XKR3: variants seen among roughly 807,000 people sequenced by gnomAD.
The protein encoded by XKR3 is XK-related protein 3.
A neutral mutation model predicts 40.3 loss-of-function variants in XKR3; 27 were observed. The ratio of observed to expected loss-of-function variants is 0.67; its 90% CI spans 0.49 to 0.92. The LOEUF is 0.92. Ranked by LOEUF, XKR3 falls within the 40% of genes least tolerant of loss-of-function variation. XKR3 has a pLI of 0.00. For synonymous variants in XKR3, 193 were observed against 195.4 expected, an observed-to-expected ratio of 0.99 and a Z score of 0.10; for missense variants, 472 against 537.6, an observed-to-expected ratio of 0.88 and a Z score of 1.21.
chr22:16,785,801 T>G (rs1207889468), intron 3 of XKR3, among the ~76,000 whole-genome samples: 4 of 152,016 alleles, frequency 2.6e-5, no homozygotes, highest in African/African-American at 9.7e-5. Flanking sequence ...TGAACCAGGA[T>G]AGCGCCACTG....
chr22:16,821,283 T>C (rs1360956861), intron 1 of XKR3, among the ~76,000 whole-genome samples: 1 of 152,132 alleles, frequency 6.6e-6, no homozygotes, highest in Admixed American at 6.6e-5. Flanking sequence ...AAAGCTCTAT[T>C]ATGACAGTAC....
At chr22:16,785,044 G>A (rs1601837684) in intron 3 of XKR3, among the ~76,000 whole-genome samples, 1 of 152,208 alleles carries the variant, frequency 6.6e-6, no homozygotes, top group East Asian at 1.9e-4. Flanking sequence ...GTGGCCGGGC[G>A]CGGTGGCTCA....
intron 1 of XKR3, among the ~76,000 whole-genome samples, chr22:16,809,608 T>C (rs947174030): frequency 6.6e-6 from 1 of 152,234 alleles, no homozygotes; most frequent in Non-Finnish European, 1.5e-5. Context: ...TATGTTACCT[T>C]AAACTTCAGT....
At chr22:16,791,442 A>C (rs1373086524) in intron 3 of XKR3, among the ~76,000 whole-genome samples, 2 of 152,060 alleles carry the variant, frequency 1.3e-5, no homozygotes, top group African/African-American at 2.4e-5. Context: ...AGATAGGAGT[A>C]ATAAATTTAA....
At chr22:16,811,747 G>T (rs1441632771) in intron 1 of XKR3, among the ~76,000 whole-genome samples, 4 of 152,110 alleles carry the variant, frequency 2.6e-5, no homozygotes, top group Non-Finnish European at 5.9e-5. Flanking sequence ...GGTGGCTCAC[G>T]CCTGAAATCC....
chr22:16,790,638 C>T (rs2060111665), intron 3 of XKR3, among the ~76,000 whole-genome samples: 1 of 151,904 alleles, frequency 6.6e-6, no homozygotes, highest in Non-Finnish European at 1.5e-5. Context: ...ATAATTTGTA[C>T]AACAAACCCC....
At chr22:16,814,403 T>C (rs2060224932) in intron 1 of XKR3, among the ~76,000 whole-genome samples, 1 of 152,184 alleles carries the variant, frequency 6.6e-6, no homozygotes, top group Non-Finnish European at 1.5e-5. Context: ...ACACTATCTT[T>C]ACTGCAGCTT....
rs564107994 is a variant in XKR3 at position 16,811,374 on chromosome 22, C to A, written c.-10-3291G>T. On this transcript the variant is annotated intron_variant, in intron 1 of 3. Transcript: ENST00000684488. ...CTCCTGAGCTCAGGTGGTCCACCCA[C>A]CTTGGCCCCACCAAAGTGTTTGGAT... 2.5e-4 allele frequency among the ~76,000 whole-genome samples: 38 copies of A among 152,246 alleles called. No individual in the cohort carries two copies. In the South Asian group the frequency reaches 7.2e-3, roughly 29 times the overall value.
At chr22:16,820,277 T>C (rs1275692103) in intron 1 of XKR3, among the ~76,000 whole-genome samples, 3 of 152,178 alleles carry the variant, frequency 2.0e-5, no homozygotes, top group Non-Finnish European at 4.4e-5. Context: ...CTGTGGTACA[T>C]TTATACCATG....
At chr22:16,798,862 G>A (rs2060153979) in intron 3 of XKR3, among the ~76,000 whole-genome samples, 1 of 152,108 alleles carries the variant, frequency 6.6e-6, no homozygotes, top group Admixed American at 6.6e-5. Flanking sequence ...TTGGGTGGAG[G>A]GAAGAACAGC....
intron 1 of XKR3, among the ~76,000 whole-genome samples, chr22:16,817,478 A>T (rs1275762658): frequency 6.6e-6 from 1 of 152,160 alleles, no homozygotes; most frequent in East Asian, 1.9e-4. Flanking sequence ...TTTGAATAAA[A>T]ACCTCATTCT....
chr22:16,820,470 T>A (rs1178491398), intron 1 of XKR3, among the ~76,000 whole-genome samples: 2 of 152,146 alleles, frequency 1.3e-5, no homozygotes, highest in Non-Finnish European at 2.9e-5. Flanking sequence ...ATGTTCATAC[T>A]CCTTTTGCTG....
chr22:16,783,533 G>C lies in XKR3; in HGVS notation c.*86C>G. 1 of 1,074,346 alleles carries C rather than the reference G, an allele frequency of 9.3e-7. No homozygotes were observed. The highest frequency in any genetic ancestry group is 1.3e-6 in the Non-Finnish European group (1 of 783,210). 66.6% of individuals were successfully genotyped at this position (1,074,346 alleles called of 1,614,324 possible). On this transcript the variant is annotated 3_prime_UTR_variant, in exon 4 of 4. Coordinates refer to ENST00000684488, the MANE Select transcript of XKR3 (RefSeq NM_001386955.1). Reference sequence around the variant, plus strand: ...TAGAAACCACTTCCAAGATTTTGCTGTGTATATTTTTTAAATTTAAGAGCC... The same window carrying C: ...TAGAAACCACTTCCAAGATTTTGCTCTGTATATTTTTTAAATTTAAGAGCC...
At chr22:16,797,057 C>A (rs1409457423) in intron 3 of XKR3, among the ~76,000 whole-genome samples, 1 of 152,168 alleles carries the variant, frequency 6.6e-6, no homozygotes, top group Non-Finnish European at 1.5e-5. Context: ...GCCAATGAAA[C>A]AGGCAATGGG....
intron 2 of XKR3, among the ~76,000 whole-genome samples, chr22:16,800,273 C>T (rs1284099144): frequency 6.6e-6 from 1 of 152,128 alleles, no homozygotes; most frequent in Non-Finnish European, 1.5e-5. Flanking sequence ...AAAATTCAAA[C>T]AGCAGATGAA....
At chr22:16,818,748 C>T (rs1340231837) in intron 1 of XKR3, among the ~76,000 whole-genome samples, 6 of 152,066 alleles carry the variant, frequency 3.9e-5, no homozygotes, top group Non-Finnish European at 8.8e-5. Context: ...AATTCCAATT[C>T]CCTAACCAGT....
chr22:16,792,460 C>G (rs2060124398), intron 3 of XKR3, among the ~76,000 whole-genome samples: 1 of 152,188 alleles, frequency 6.6e-6, no homozygotes, highest in Admixed American at 6.5e-5. Context: ...AAATTTCCAA[C>G]TATAGATCCT....
intron 1 of XKR3, among the ~76,000 whole-genome samples, chr22:16,813,342 A>G (rs2060220863): frequency 6.6e-6 from 1 of 152,022 alleles, no homozygotes; most frequent in Admixed American, 6.5e-5. Flanking sequence ...AGATAAAGAT[A>G]ATGCCTCTTT....
At chr22:16,809,809 G>T (rs1310873940) in intron 1 of XKR3, among the ~76,000 whole-genome samples, 3 of 152,150 alleles carry the variant, frequency 2.0e-5, no homozygotes, top group Non-Finnish European at 4.4e-5. Flanking sequence ...CCAGGCTGGA[G>T]TGTAGTGGTG....
Sources: allele counts gnomAD v4.1 joint callset (sites outside exome capture counted in the v4.1 genomes callset), GRCh38; gene constraint gnomAD v4.1.1; transcripts MANE v1.5; gene names NCBI Gene and HGNC (gene_info 2026-07-23, HGNC 2026-07-21).